Variants in PRKCH observed in about 807,000 individuals in gnomAD.
The protein encoded by PRKCH is protein kinase C eta.
Under a neutral mutation model 82.5 loss-of-function variants are expected in PRKCH, and 28 were observed. That is an observed-to-expected ratio of 0.34 (90% CI 0.25 to 0.47). PRKCH has a LOEUF of 0.47. PRKCH is among the 20% of genes least tolerant of loss of function. The pLI is 1.00. For missense variants in PRKCH, 705 were observed against 881.8 expected, an observed-to-expected ratio of 0.80 and a Z score of 2.54; for synonymous variants, 322 against 327.4, an observed-to-expected ratio of 0.98 and a Z score of 0.18.
intron 1 of PRKCH, among the ~76,000 whole-genome samples, chr14:61,374,853 A>G (rs1241923469): frequency 2.0e-5 from 3 of 152,034 alleles, no homozygotes; most frequent in Non-Finnish European, 4.4e-5. Context: ...TTGCCTATTA[A>G]CATTTGGCTC....
intron 1 of PRKCH, among the ~76,000 whole-genome samples, chr14:61,229,741 C>T (rs928878207): frequency 3.9e-5 from 6 of 152,180 alleles, no homozygotes; most frequent in African/African-American, 1.4e-4. Flanking sequence ...CACCTAACCA[C>T]ATTAACACAC....
At chr14:61,201,735 G>T (rs1176730518) in intron 1 of PRKCH, among the ~76,000 whole-genome samples, 1 of 152,088 alleles carries the variant, frequency 6.6e-6, no homozygotes, top group Non-Finnish European at 1.5e-5. Context: ...GTTAACAAAA[G>T]TTGGAAGGGT....
chr14:61,317,487 T>C (rs2045572815), upstream of PRKCH, among the ~76,000 whole-genome samples: 1 of 152,248 alleles, frequency 6.6e-6, no homozygotes, highest in South Asian at 2.1e-4. Flanking sequence ...TTGCCCAGGC[T>C]GGTCTTGAAC....
intron 1 of PRKCH, chr14:61,306,637 A>T (rs1196479995): frequency 2.6e-5 from 4 of 152,232 alleles, no homozygotes; most frequent in Admixed American, 6.5e-5. Context: ...TGTGTCTGGC[A>T]TTAGCTACTA....
At chr14:61,349,271 T>G (rs1255423888) in intron 1 of PRKCH, among the ~76,000 whole-genome samples, 1 of 152,190 alleles carries the variant, frequency 6.6e-6, no homozygotes, top group African/African-American at 2.4e-5. Flanking sequence ...TTCCACTATC[T>G]TATGCTCCCT....
intron 1 of PRKCH, among the ~76,000 whole-genome samples, chr14:61,222,433 G>A (rs1450407084): frequency 2.6e-5 from 4 of 152,002 alleles, no homozygotes; most frequent in Non-Finnish European, 5.9e-5. Context: ...ACAATAAATG[G>A]CATTTTACTT....
At chr14:61,263,859 G>A (rs994450405) in intron 1 of PRKCH, among the ~76,000 whole-genome samples, 6 of 26,676 alleles carry the variant, frequency 2.2e-4, no homozygotes, top group Non-Finnish European at 6.3e-4. Context: ...GTGTGTGTGT[G>A]TGTGTGTGTG....
rs186642837 is a variant in PRKCH, at chr14:61,513,792, C to T, written c.1434-15283C>T. ...CTACTTTTACCTCACCATGGGTCAG[C>T]GCCAGTTTGCAGATGAGCGGCAGTT... is the stretch of plus-strand genomic sequence containing the variant. On this transcript the variant is annotated intron_variant, in intron 10 of 13. Coordinates refer to ENST00000332981, the MANE Select transcript of PRKCH (RefSeq NM_006255.5). 8.9e-4 allele frequency among the ~76,000 whole-genome samples: 135 copies of T among 152,124 alleles called. 1 individual carries two copies. Among genetic ancestry groups the T allele is most frequent in the African/African-American group, 3.1e-3 (128 of 41,440 alleles).
intron 2 of PRKCH, among the ~76,000 whole-genome samples, chr14:61,440,899 A>G (rs1883932246): frequency 6.7e-6 from 1 of 149,064 alleles, no homozygotes; most frequent in South Asian, 2.2e-4. Context: ...ATAAAAAATT[A>G]TTATTGAAAT....
chr14:61,335,905 A>G (rs571172376), intron 1 of PRKCH, among the ~76,000 whole-genome samples: 24 of 152,348 alleles, frequency 1.6e-4, no homozygotes, highest in South Asian at 1.5e-3. Flanking sequence ...TTATCAGTGC[A>G]TCATAGTGTG....
chr14:61,549,644 G>C (rs763933235), intron 13 of PRKCH, 41 bp from the exon 14 acceptor site: 1 of 1,602,186 alleles, frequency 6.2e-7, no homozygotes, highest in Admixed American at 1.7e-5. Context: ...TAAGCCTCAA[G>C]CGCAAAAATC....
chr14:61,320,746 G>A (rs892337225), upstream of PRKCH, among the ~76,000 whole-genome samples: 1 of 152,224 alleles, frequency 6.6e-6, no homozygotes, highest in Non-Finnish European at 1.5e-5. Flanking sequence ...CAGGGACCAC[G>A]GGGTGGGAAG....
At chr14:61,221,580 G>A (rs976190501) in intron 1 of PRKCH, among the ~76,000 whole-genome samples, 2 of 152,088 alleles carry the variant, frequency 1.3e-5, no homozygotes, top group Admixed American at 1.3e-4. Flanking sequence ...CCCGAGAACC[G>A]CTGCTGCCTA....
At chr14:61,320,497 G>C (rs189523232), upstream of PRKCH, among the ~76,000 whole-genome samples, 1 of 152,350 alleles carries the variant, frequency 6.6e-6, no homozygotes, top group African/African-American at 2.4e-5. Flanking sequence ...TACTCGGGAG[G>C]CTGGGGCAGG....
At chr14:61,405,420 C>T (rs1208924074) in intron 2 of PRKCH, among the ~76,000 whole-genome samples, 1 of 151,794 alleles carries the variant, frequency 6.6e-6, no homozygotes, top group Non-Finnish European at 1.5e-5. Flanking sequence ...TCTTGTCGCC[C>T]AGGCTGGAGT....
intron 1 of PRKCH, 149 bp from the exon 2 acceptor site, chr14:61,391,076 C>G: frequency 1.7e-6 from 1 of 587,806 alleles, no homozygotes; most frequent in Non-Finnish European, 2.8e-6. Flanking sequence ...CACTTGTTTC[C>G]CTGCCACTCT....
intron 1 of PRKCH, among the ~76,000 whole-genome samples, chr14:61,227,114 G>C (rs561313303): frequency 2.0e-5 from 3 of 152,222 alleles, no homozygotes; most frequent in Non-Finnish European, 4.4e-5. Flanking sequence ...TTTGGTGGCA[G>C]AGAAGAAGAA....
At chr14:61,347,944 A>G (rs1433600570) in intron 1 of PRKCH, 1 of 152,768 alleles carries the variant, frequency 6.5e-6, no homozygotes, top group East Asian at 1.9e-4. Context: ...GAGGAAGTTA[A>G]TAGGCCCAGG....
chr14:61,476,404 C>A (rs944264928), intron 9 of PRKCH: 1 of 152,238 alleles, frequency 6.6e-6, no homozygotes, highest in Non-Finnish European at 1.5e-5. Flanking sequence ...TACTGGAAAG[C>A]TGTATGTGGA....
Sources: gnomAD v4.1 joint callset for allele counts (sites outside exome capture counted in the v4.1 genomes callset) on GRCh38, gnomAD v4.1.1 for gene constraint, MANE v1.5 for transcripts, NCBI Gene and HGNC (gene_info 2026-07-23, HGNC 2026-07-21) for gene names.